Variants in UHMK1 observed in about 807,000 individuals in gnomAD.
The protein encoded by UHMK1 is serine/threonine-protein kinase Kist.
Under a neutral mutation model 44.0 loss-of-function variants are expected in UHMK1, and 18 were observed. That is an observed-to-expected ratio of 0.41 (90% CI 0.28 to 0.61). The LOEUF (loss-of-function observed/expected upper bound fraction) is 0.61. Ranked by LOEUF, UHMK1 falls within the 20% of genes least tolerant of loss-of-function variation. UHMK1 has a pLI of 0.31. For missense variants in UHMK1, 463 were observed against 522.5 expected, an observed-to-expected ratio of 0.89 and a Z score of 1.11; for synonymous variants, 231 against 198.5, an observed-to-expected ratio of 1.16 and a Z score of -1.38.
chr1:162,516,019 G>A (rs1651824173), intron 6 of UHMK1, among the ~76,000 whole-genome samples: 1 of 151,278 alleles, frequency 6.6e-6, no homozygotes, highest in African/African-American at 2.4e-5. Flanking sequence ...AGGCAACAGA[G>A]CGAGACTCCG....
Position 162,503,797 on chromosome 1 carries a change from C to T in UHMK1, c.797C>T (p.Ala266Val), listed in dbSNP as rs749520700. The T allele has an allele frequency of 1.2e-5, 19 of 1,614,072 alleles. No homozygotes were observed. The highest frequency in any genetic ancestry group is 1.6e-5 in the Non-Finnish European group (19 of 1,180,010). ...AIIDHIFASK[A>V]VVNAAIPAYH... Reference sequence around the variant, plus strand: ...ATTGATCACATATTTGCCAGTAAAGCAGTGGTGAATGCCGCAATTCCAGCC... The same window carrying T: ...ATTGATCACATATTTGCCAGTAAAGTAGTGGTGAATGCCGCAATTCCAGCC... Residue 266 changes from alanine (A) to valine (V), a missense_variant, in exon 4 of 8, where the codon GCA becomes GTA. Physicochemically the swap from Ala to Val is moderately conservative, Grantham distance 64 (BLOSUM62 0). Coordinates refer to ENST00000489294, the MANE Select transcript of UHMK1 (RefSeq NM_175866.5).
In UHMK1 at chr1:162,527,918, G is replaced by T. The variant is rs748460382; in HGVS notation, c.*5368G>T. 6.6e-6 allele frequency: 1 copy of T among 151,788 alleles called. No individual in the cohort carries two copies. Among genetic ancestry groups the T allele is most frequent in the Middle Eastern group, 3.4e-3 (1 of 294 alleles). The allele number at this position is 151,788 out of a possible 1,614,324, so 9.4% of individuals were successfully genotyped here. A position where few individuals can be genotyped will look rare whatever the true frequency, so the allele number is the denominator to read the frequency against. ...GTCACATTCTGGGGGAAAAAAACTG[G>T]AATTGTTTGTATTTTGTTTTTTTGG... On this transcript the variant is annotated 3_prime_UTR_variant, in exon 8 of 8. Transcript: ENST00000489294.
Position 162,517,198 on chromosome 1 carries a change from C to T in UHMK1, c.1025-904C>T, listed in dbSNP as rs1169128116. On this transcript the variant is annotated intron_variant, in intron 6 of 7. Transcript: ENST00000489294. Reference sequence around the variant, plus strand: ...CCTATAATCCAAGCTGCTTGAGAGGCTGAGGCAGGAGAATCACTTGAACCC... The same window carrying T: ...CCTATAATCCAAGCTGCTTGAGAGGTTGAGGCAGGAGAATCACTTGAACCC... 2.6e-5 allele frequency among the ~76,000 whole-genome samples: 4 copies of T among 152,232 alleles called. No homozygotes were observed. The East Asian group carries it at 7.7e-4, about 29-fold the overall frequency.
intron 4 of UHMK1, 123 bp from the exon 5 acceptor site, chr1:162,512,377 T>G (rs1253657315): frequency 5.3e-6 from 4 of 760,332 alleles, no homozygotes; most frequent in Non-Finnish European, 8.6e-6. Context: ...AAGTGAATGA[T>G]TCAATAAATC....
Position 162,497,908 on chromosome 1 carries a change from G to C in UHMK1, c.-93G>C. 7.0e-7 allele frequency: 1 copy of C among 1,426,056 alleles called. No individual in the cohort carries two copies. The highest frequency in any genetic ancestry group is 9.1e-7 in the Non-Finnish European group (1 of 1,095,216). 88.3% of individuals were successfully genotyped at this position (1,426,056 alleles called of 1,614,324 possible). On this transcript the variant is annotated 5_prime_UTR_variant, in exon 1 of 8. Transcript: ENST00000489294. ...GCTGCAGGTCCCTCCCTGCGGAGCCGCTGGTCCGGCTGGCGGAGATGTGAC... is the reference window on the plus strand; with the variant it reads ...GCTGCAGGTCCCTCCCTGCGGAGCCCCTGGTCCGGCTGGCGGAGATGTGAC...
At chr1:162,509,609 A>G (rs1651596100) in intron 4 of UHMK1, among the ~76,000 whole-genome samples, 1 of 152,158 alleles carries the variant, frequency 6.6e-6, no homozygotes, top group African/African-American at 2.4e-5. Flanking sequence ...TGCAAATCTT[A>G]CAACTATTGA....
chr1:162,513,053 A>G (rs1446074145), intron 6 of UHMK1: 2 of 385,458 alleles, frequency 5.2e-6, no homozygotes, highest in Non-Finnish European at 9.5e-6. Flanking sequence ...CCTGGGTTCA[A>G]GCCTCAGCCC....
At chr1:162,509,705 G>A (rs1370251178) in intron 4 of UHMK1, among the ~76,000 whole-genome samples, 17 of 152,224 alleles carry the variant, frequency 1.1e-4, no homozygotes, top group East Asian at 1.9e-4. Context: ...GCAGTGGCAC[G>A]ATCTCGGCTC....
chr1:162,497,842 C>G lies in UHMK1; in HGVS notation c.-159C>G. 7.3e-7 allele frequency: 1 copy of G among 1,360,616 alleles called. No individual in the cohort carries two copies. The highest frequency in any genetic ancestry group is 9.4e-7 in the Non-Finnish European group (1 of 1,061,590). 84.3% of individuals were successfully genotyped at this position (1,360,616 alleles called of 1,614,324 possible). On this transcript the variant is annotated 5_prime_UTR_variant, in exon 1 of 8. Transcript: ENST00000489294. ...TGGGACTCGGGTGCACCACGGCTTC[C>G]GGTGTCATGGCTGCTTGAAGTCCCG...
Position 162,517,253 on chromosome 1 carries a change from C to T in UHMK1, c.1025-849C>T, listed in dbSNP as rs192117060. Among the ~76,000 whole-genome samples the T allele has an allele frequency of 2.3e-3, 357 of 152,070 alleles. 1 individual carries two copies. Among genetic ancestry groups the T allele is most frequent in the African/African-American group, 8.0e-3 (334 of 41,492 alleles). ...GGTGGAGGTTGCAGTGAGCCGAGAT[C>T]GTGCCACTACACTCCAGCCTGGGAA... On this transcript the variant is annotated intron_variant, in intron 6 of 7. Coordinates refer to ENST00000489294, the MANE Select transcript of UHMK1 (RefSeq NM_175866.5).
In UHMK1 at chr1:162,524,630, T is replaced by G. The variant is rs1413701385; in HGVS notation, c.*2080T>G. The G allele has an allele frequency of 6.6e-6, 1 of 152,186 alleles. No individual in the cohort carries two copies. The highest frequency in any genetic ancestry group is 2.4e-5 in the African/African-American group (1 of 41,438). The allele number at this position is 152,186 out of a possible 1,614,324, so 9.4% of individuals were successfully genotyped here. A position where few individuals can be genotyped will look rare whatever the true frequency, so the allele number is the denominator to read the frequency against. On this transcript the variant is annotated 3_prime_UTR_variant, in exon 8 of 8. Transcript: ENST00000489294. The stretch of plus-strand genomic sequence containing the variant: ...TCCTAAGTTAGCACATTTACTTTTC[T>G]CTCCCCTCCGCCCCCAAAAGAAAAA...
intron 3 of UHMK1, 67 bp downstream of exon 3, chr1:162,501,171 ATT>A: frequency 1.6e-6 from 2 of 1,225,940 alleles, no homozygotes; most frequent in South Asian, 1.7e-5. Flanking sequence ...ATTTATGATG[ATT>A]TTTTTTTTTC....
chr1:162,511,894 G>A (rs1203562255), intron 4 of UHMK1, among the ~76,000 whole-genome samples: 1 of 151,916 alleles, frequency 6.6e-6, no homozygotes, highest in Non-Finnish European at 1.5e-5. Flanking sequence ...AAATCAGTTG[G>A]TTGTAAATAT....
chr1:162,502,595 A>G (rs912455606), intron 3 of UHMK1, among the ~76,000 whole-genome samples: 1 of 152,210 alleles, frequency 6.6e-6, no homozygotes, highest in African/African-American at 2.4e-5. Flanking sequence ...CATCAGAACT[A>G]GATCACATTC....
Position 162,497,842 on chromosome 1 carries a change from C to T in UHMK1, c.-159C>T, listed in dbSNP as rs1217339564. ...TGGGACTCGGGTGCACCACGGCTTC[C>T]GGTGTCATGGCTGCTTGAAGTCCCG... On this transcript the variant is annotated 5_prime_UTR_variant, in exon 1 of 8. Coordinates refer to ENST00000489294, the MANE Select transcript of UHMK1 (RefSeq NM_175866.5). 1.5e-6 allele frequency: 2 copies of T among 1,360,498 alleles called. No individual in the cohort carries two copies. The highest frequency in any genetic ancestry group is 1.9e-6 in the Non-Finnish European group (2 of 1,061,598). 84.3% of individuals were successfully genotyped at this position (1,360,498 alleles called of 1,614,324 possible). A position where few individuals can be genotyped will look rare whatever the true frequency, so the allele number is the denominator to read the frequency against.
chr1:162,515,427 A>G (rs1651800668), intron 6 of UHMK1, among the ~76,000 whole-genome samples: 1 of 152,226 alleles, frequency 6.6e-6, no homozygotes, highest in Non-Finnish European at 1.5e-5. Flanking sequence ...CTCCTTGTAG[A>G]AAATTAAAAT....
In UHMK1 at chr1:162,527,465, A is replaced by T. The variant is rs186592489; in HGVS notation, c.*4915A>T. Reference sequence around the variant, plus strand: ...ATTAAAGTGATCTTCAGGATATAAGATAGTTTACACAAACTTTATTCTCCT... The same window carrying T: ...ATTAAAGTGATCTTCAGGATATAAGTTAGTTTACACAAACTTTATTCTCCT... On this transcript the variant is annotated 3_prime_UTR_variant, in exon 8 of 8. Coordinates refer to ENST00000489294, the MANE Select transcript of UHMK1 (RefSeq NM_175866.5). The T allele has an allele frequency of 6.6e-6, 1 of 152,270 alleles. No individual in the cohort carries two copies. Among genetic ancestry groups the T allele is most frequent in the East Asian group, 1.9e-4 (1 of 5,188 alleles). The allele number at this position is 152,270 out of a possible 1,614,324, so 9.4% of individuals were successfully genotyped here. A position where few individuals can be genotyped will look rare whatever the true frequency, so the allele number is the denominator to read the frequency against.
intron 6 of UHMK1, among the ~76,000 whole-genome samples, chr1:162,517,619 G>A (rs904936813): frequency 6.6e-6 from 1 of 152,156 alleles, no homozygotes; most frequent in Non-Finnish European, 1.5e-5. Flanking sequence ...AGGCGCAGTG[G>A]CTCACGCCTG....
In UHMK1 at chr1:162,512,538, AAATGGC is replaced by A; in HGVS notation, c.889_894del (p.Met297_Ala298del). The A allele has an allele frequency of 2.5e-6, 4 of 1,613,056 alleles. No homozygotes were observed. The highest frequency in any genetic ancestry group is 3.4e-6 in the Non-Finnish European group (4 of 1,179,794). On this transcript the variant is annotated inframe_deletion, in exon 5 of 8. Coordinates refer to ENST00000489294, the MANE Select transcript of UHMK1 (RefSeq NM_175866.5). ...GATCCAAGCAGAAGAATTCCTGCTG[AAATGGC>A]ATTGTGCAGCCCATTCTTTAGCATT...
Sources: allele counts gnomAD v4.1 joint callset (sites outside exome capture counted in the v4.1 genomes callset), GRCh38; gene constraint gnomAD v4.1.1; transcripts MANE v1.5; gene names NCBI Gene and HGNC (gene_info 2026-07-23, HGNC 2026-07-21).